PSPC1: variants seen among roughly 807,000 people sequenced by gnomAD.
The protein encoded by PSPC1 is paraspeckle protein 1.
Under a neutral mutation model 51.6 loss-of-function variants are expected in PSPC1, and 14 were observed. That is an observed-to-expected ratio of 0.27 (90% CI 0.18 to 0.42). PSPC1 has a LOEUF of 0.42. PSPC1 is among the 10% of genes least tolerant of loss of function. PSPC1 has a pLI of 1.00. For synonymous variants in PSPC1, 193 were observed against 231.9 expected, an observed-to-expected ratio of 0.83 and a Z score of 1.53; for missense variants, 406 against 701.1, an observed-to-expected ratio of 0.58 and a Z score of 4.75.
chr13:19,731,017 C>T (rs1445098975), intron 5 of PSPC1, among the ~76,000 whole-genome samples: 1 of 147,522 alleles, frequency 6.8e-6, no homozygotes, highest in African/African-American at 2.5e-5. Flanking sequence ...ATCACTGGCA[C>T]TGCACAGTTC....
intron 2 of PSPC1, among the ~76,000 whole-genome samples, chr13:19,759,916 GT>G (rs1327077639): frequency 1.3e-5 from 2 of 151,000 alleles, no homozygotes; most frequent in East Asian, 3.9e-4. Flanking sequence ...AGAGGTGAAT[GT>G]CAAAAGCCAC....
chr13:19,781,528 T>C (rs1889968885), intron 1 of PSPC1, among the ~76,000 whole-genome samples: 1 of 152,146 alleles, frequency 6.6e-6, no homozygotes, highest in African/African-American at 2.4e-5. Context: ...TTCTCCCCCC[T>C]ATAAAAACGT....
At chr13:19,770,194 T>C (rs931913480) in intron 2 of PSPC1, among the ~76,000 whole-genome samples, 2 of 152,202 alleles carry the variant, frequency 1.3e-5, no homozygotes, top group Non-Finnish European at 2.9e-5. Flanking sequence ...CTATATGATT[T>C]CACTTAATAT....
At chr13:19,726,606 T>C (rs538063926) in intron 6 of PSPC1, among the ~76,000 whole-genome samples, 3 of 152,300 alleles carry the variant, frequency 2.0e-5, no homozygotes, top group Non-Finnish European at 4.4e-5. Context: ...ATTACGTACA[T>C]TGGAAAAACA....
At chr13:19,695,777 A>G (rs553166295) in intron 6 of PSPC1, among the ~76,000 whole-genome samples, 1 of 152,272 alleles carries the variant, frequency 6.6e-6, no homozygotes, top group Admixed American at 6.5e-5. Flanking sequence ...TGATTTTTGT[A>G]GAGATGTAAC....
intron 6 of PSPC1, among the ~76,000 whole-genome samples, chr13:19,718,249 A>G (rs1305751682): frequency 1.3e-5 from 2 of 152,076 alleles, no homozygotes; most frequent in Non-Finnish European, 2.9e-5. Context: ...AATATAAGAC[A>G]ATCTCTTTAT....
intron 6 of PSPC1, among the ~76,000 whole-genome samples, chr13:19,723,511 A>C (rs1469874519): frequency 4.6e-5 from 7 of 152,224 alleles, no homozygotes; most frequent in Admixed American, 4.6e-4. Flanking sequence ...TTTTAATAGT[A>C]TGCATGTTCA....
chr13:19,680,093 C>A (rs1456905481), intron 6 of PSPC1, among the ~76,000 whole-genome samples: 1 of 152,172 alleles, frequency 6.6e-6, no homozygotes, highest in Non-Finnish European at 1.5e-5. Context: ...CGACTCACTG[C>A]AACCTTCACC....
chr13:19,713,176 C>T (rs997499481), intron 6 of PSPC1, among the ~76,000 whole-genome samples: 1 of 152,106 alleles, frequency 6.6e-6, no homozygotes, highest in South Asian at 2.1e-4. Context: ...AGTGCGTATA[C>T]GTGATATTTT....
intron 7 of PSPC1, among the ~76,000 whole-genome samples, chr13:19,708,824 C>T (rs1402870559): frequency 6.6e-6 from 1 of 152,170 alleles, no homozygotes; most frequent in African/African-American, 2.4e-5. Context: ...CCTAAAAACA[C>T]AACTCAGAAA....
intron 6 of PSPC1, among the ~76,000 whole-genome samples, chr13:19,695,568 T>C (rs1879105473): frequency 6.6e-6 from 1 of 152,020 alleles, no homozygotes. Flanking sequence ...ACAGATCAAA[T>C]ATAAAGTTCT....
At chr13:19,748,704 C>G (rs1457561170) in intron 4 of PSPC1, among the ~76,000 whole-genome samples, 1 of 150,592 alleles carries the variant, frequency 6.6e-6, no homozygotes, top group African/African-American at 2.4e-5. Flanking sequence ...CAGATGCTTC[C>G]ACATCTAATC....
intron 3 of PSPC1, 61 bp from the exon 4 acceptor site, chr13:19,751,528 GAAC>G (rs1230426691): frequency 3.2e-5 from 39 of 1,228,528 alleles, no homozygotes; most frequent in Middle Eastern, 2.0e-4. Context: ...CAACAAATGA[GAAC>G]AACAAGCACT....
rs370217761 is a variant in PSPC1, at chr13:19,695,781, A to T, written c.1159-17958T>A. On this transcript the variant is annotated intron_variant and NMD_transcript_variant, in intron 6 of 7. Transcript: ENST00000471658. ...AAGTTAAACACTGATTTTTGTAGAG[A>T]TGTAACTCATTTTGGTGTCACAGGA... is the stretch of plus-strand genomic sequence containing the variant. 6.8e-4 allele frequency among the ~76,000 whole-genome samples: 103 copies of T among 152,194 alleles called. 2 individuals carry two copies. The South Asian group carries it at 0.021, about 31-fold the overall frequency.
intron 1 of PSPC1, among the ~76,000 whole-genome samples, chr13:19,778,450 T>C (rs1389899229): frequency 8.2e-6 from 1 of 121,594 alleles, no homozygotes; most frequent in East Asian, 3.0e-4. Context: ...TGGACTGTAC[T>C]GCTGCCATCT....
intron 1 of PSPC1, among the ~76,000 whole-genome samples, chr13:19,776,132 G>C (rs1163948789): frequency 1.3e-5 from 2 of 152,048 alleles, no homozygotes; most frequent in Non-Finnish European, 2.9e-5. Context: ...TTTGATAGGG[G>C]TTTGAGTTAA....
At chr13:19,774,048 G>A (rs1041231100) in intron 1 of PSPC1, among the ~76,000 whole-genome samples, 1 of 152,112 alleles carries the variant, frequency 6.6e-6, no homozygotes, top group African/African-American at 2.4e-5. Context: ...ACATTCACGA[G>A]CTATAATAGT....
At chr13:19,729,182 G>C (rs1334002278) in intron 6 of PSPC1, among the ~76,000 whole-genome samples, 1 of 151,858 alleles carries the variant, frequency 6.6e-6, no homozygotes, top group Non-Finnish European at 1.5e-5. Context: ...TAGAAAAGAA[G>C]GTATATTGTC....
At chr13:19,764,733 C>T (rs1887900395) in intron 2 of PSPC1, among the ~76,000 whole-genome samples, 1 of 131,910 alleles carries the variant, frequency 7.6e-6, no homozygotes, top group Admixed American at 7.8e-5. Flanking sequence ...ATATTTTGCA[C>T]ATGTAATTTC....
Sources: gnomAD v4.1 joint callset for allele counts (sites outside exome capture counted in the v4.1 genomes callset) on GRCh38, gnomAD v4.1.1 for gene constraint, MANE v1.5 for transcripts, NCBI Gene and HGNC (gene_info 2026-07-23, HGNC 2026-07-21) for gene names.